PLA2R1: variants seen among roughly 807,000 people sequenced by gnomAD.
The protein encoded by PLA2R1 is secretory phospholipase A2 receptor.
In PLA2R1, 158 loss-of-function variants were observed where a neutral mutation model predicts 195.9. That is an observed-to-expected ratio of 0.81 (90% CI 0.71 to 0.92). The LOEUF (loss-of-function observed/expected upper bound fraction) is 0.92. Among genes scored for constraint, PLA2R1 ranks in the 40% least tolerant of loss-of-function variants. PLA2R1 has a pLI of 0.00. For synonymous variants in PLA2R1, 586 were observed against 598.2 expected (o/e 0.98, Z 0.30); for missense variants, 1,626 against 1,764.6 (o/e 0.92, Z 1.41).
At chr2:160,021,952 A>G (rs1693157014) in intron 7 of PLA2R1, among the ~76,000 whole-genome samples, 1 of 152,202 alleles carries the variant, frequency 6.6e-6, no homozygotes, top group Non-Finnish European at 1.5e-5. Context: ...AGCAGCCCAC[A>G]GGGTTCTTTA....
intron 4 of PLA2R1, 86 bp downstream of exon 4, chr2:160,032,872 TG>T: frequency 9.5e-7 from 1 of 1,047,194 alleles, no homozygotes; most frequent in South Asian, 1.5e-5. Flanking sequence ...AAGAACTTTT[TG>T]TCAGAATATA....
intron 3 of PLA2R1, among the ~76,000 whole-genome samples, chr2:160,039,659 T>C (rs1268747569): frequency 1.3e-5 from 2 of 152,256 alleles, no homozygotes; most frequent in East Asian, 3.9e-4. Context: ...CGACACGTCA[T>C]TTTGAGTTAT....
At chr2:159,951,218 G>A (rs909854248) in intron 24 of PLA2R1, 122 bp downstream of exon 24, 18 of 658,328 alleles carry the variant, frequency 2.7e-5, no homozygotes, top group African/African-American at 5.5e-5. Flanking sequence ...TTATTTAAGT[G>A]TTATATTTAT....
At chr2:159,986,097 A>AT (rs1690309035) in intron 12 of PLA2R1, among the ~76,000 whole-genome samples, 1 of 152,114 alleles carries the variant, frequency 6.6e-6, no homozygotes, top group African/African-American at 2.4e-5. Flanking sequence ...GGAATGGCTC[A>AT]CCATGGATCC....
chr2:159,957,089 T>C (rs1415104464), intron 20 of PLA2R1, among the ~76,000 whole-genome samples: 1 of 152,106 alleles, frequency 6.6e-6, no homozygotes, highest in Non-Finnish European at 1.5e-5. Flanking sequence ...GTCAAACACA[T>C]CAGGTGTTTA....
At chr2:160,000,368 C>A (rs1229051245) in intron 11 of PLA2R1, among the ~76,000 whole-genome samples, 2 of 152,160 alleles carry the variant, frequency 1.3e-5, no homozygotes, top group Admixed American at 1.3e-4. Flanking sequence ...CGTTAGTCAT[C>A]GAATTCATGC....
intron 11 of PLA2R1, among the ~76,000 whole-genome samples, 162 bp from the exon 12 acceptor site, chr2:159,987,520 T>G (rs1002681153): frequency 6.6e-6 from 1 of 152,208 alleles, no homozygotes; most frequent in Admixed American, 6.5e-5. Context: ...ATTATGTCAT[T>G]TCTCTTCATC....
intron 16 of PLA2R1, 34 bp from the exon 17 acceptor site, chr2:159,976,259 G>A (rs373504672): frequency 1.4e-4 from 209 of 1,515,722 alleles, no homozygotes; most frequent in Non-Finnish European, 1.9e-4. Flanking sequence ...ATGCTGAAAT[G>A]ATAAATAGGT....
chr2:160,006,798 C>T (rs185644210), intron 10 of PLA2R1, among the ~76,000 whole-genome samples: 1 of 152,304 alleles, frequency 6.6e-6, no homozygotes, highest in East Asian at 1.9e-4. Context: ...CAAATTAGAT[C>T]TTTTCATTCA....
chr2:159,975,925 A>G (rs112647398), intron 17 of PLA2R1, 143 bp downstream of exon 17: 36 of 685,354 alleles, frequency 5.3e-5, no homozygotes, highest in African/African-American at 2.7e-4. Context: ...TCAAAAATCT[A>G]TGGCTTTACT....
Position 160,020,202 on chromosome 2 carries a change from C to T in PLA2R1, c.1356G>A (p.Trp452Ter), listed in dbSNP as rs1337779747. The change falls in exon 8 of 30, where the codon TGG (tryptophan) becomes TGA (stop). Residue 452 changes from tryptophan (W) to a stop codon, truncating the protein, a stop_gained. Transcript: ENST00000283243. LOFTEE classifies it high-confidence loss of function. ...SSNKIPVSFE[W>*]SNDSSVIFTN... is the part of the protein sequence containing the mutation. ...TAAAGATGACTGAAGAGTCATTAGA[C>T]CATTCAAAGGAAACTGGAATTTTAT... is the stretch of plus-strand genomic sequence containing the variant. The T allele has an allele frequency of 1.2e-6, 2 of 1,609,212 alleles. No individual in the cohort carries two copies. The highest frequency in any genetic ancestry group is 2.2e-5 in the South Asian group (2 of 90,952).
chr2:159,930,959 C>G (rs912887466), downstream of PLA2R1, among the ~76,000 whole-genome samples: 2 of 152,210 alleles, frequency 1.3e-5, no homozygotes, highest in African/African-American at 4.8e-5. Flanking sequence ...TTCTTTCTTG[C>G]TTATTTATGC....
At chr2:160,045,836 C>T (rs757455428) in intron 1 of PLA2R1, among the ~76,000 whole-genome samples, 4 of 152,158 alleles carry the variant, frequency 2.6e-5, no homozygotes, top group African/African-American at 9.7e-5. Context: ...CTAGCTATGG[C>T]ACCACACCTT....
Position 159,955,685 on chromosome 2 carries a change from T to A in PLA2R1, c.3153+13A>T. 3 of 1,373,900 alleles carry A rather than the reference T, an allele frequency of 2.2e-6. No homozygotes were observed. The highest frequency in any genetic ancestry group is 2.9e-6 in the Non-Finnish European group (3 of 1,032,214). 85.1% of individuals were successfully genotyped at this position (1,373,900 alleles called of 1,614,324 possible). On this transcript the variant is annotated intron_variant, in intron 22 of 29. Coordinates refer to ENST00000283243, the MANE Select transcript of PLA2R1 (RefSeq NM_007366.5). ...GCCAAAGTGATCTCCAAAAAATAAA[T>A]CTTAAAACTTACATTTATTATATCA...
chr2:160,003,658 G>A (rs1042046148), intron 11 of PLA2R1, among the ~76,000 whole-genome samples: 4 of 152,168 alleles, frequency 2.6e-5, no homozygotes, highest in African/African-American at 9.7e-5. Flanking sequence ...TGACAAAAAT[G>A]TGGGAAAGCT....
At chr2:160,013,131 C>A in intron 10 of PLA2R1, 132 bp downstream of exon 10, 2 of 420,146 alleles carry the variant, frequency 4.8e-6, no homozygotes, top group Non-Finnish European at 8.6e-6. Context: ...CAATAAATAA[C>A]TTAAATAATT....
intron 11 of PLA2R1, among the ~76,000 whole-genome samples, chr2:159,989,015 G>C (rs1558864938): frequency 6.6e-6 from 1 of 152,182 alleles, no homozygotes; most frequent in Non-Finnish European, 1.5e-5. Flanking sequence ...AGAACCCCCT[G>C]GGCCTCTGTG....
intron 3 of PLA2R1, among the ~76,000 whole-genome samples, chr2:160,037,054 A>C (rs1400931821): frequency 3.9e-5 from 6 of 152,202 alleles, no homozygotes; most frequent in African/African-American, 2.4e-5. Flanking sequence ...CCTGACAACC[A>C]GGTCCTGTTC....
intron 10 of PLA2R1, among the ~76,000 whole-genome samples, chr2:160,011,758 T>C (rs1473898991): frequency 6.6e-6 from 1 of 152,190 alleles, no homozygotes; most frequent in Non-Finnish European, 1.5e-5. Context: ...TGGAACCTTT[T>C]GGGTGAGTTA....
Sources: gnomAD v4.1 joint callset for allele counts (sites outside exome capture counted in the v4.1 genomes callset) on GRCh38, gnomAD v4.1.1 for gene constraint, MANE v1.5 for transcripts, NCBI Gene and HGNC (gene_info 2026-07-23, HGNC 2026-07-21) for gene names.